Variants in PPEF1 observed in about 807,000 individuals in gnomAD.
PPEF1 encodes the protein serine/threonine-protein phosphatase with EF-hands 1.
A neutral mutation model predicts 53.3 loss-of-function variants in PPEF1; 12 were observed. The observed-to-expected ratio is 0.23, with a 90% CI of 0.14 to 0.36. The LOEUF (loss-of-function observed/expected upper bound fraction) is 0.36. Ranked by LOEUF, PPEF1 falls within the 10% of genes least tolerant of loss-of-function variation. The probability of loss-of-function intolerance (pLI) is 1.00; values close to 1 mark genes in which losing one functional copy is unlikely to be tolerated. For synonymous variants in PPEF1, 165 were observed against 176.7 expected (o/e 0.93, Z 0.52); for missense variants, 334 against 490.4 (o/e 0.68, Z 3.01).
chrX:18,689,245 G>A (rs1016929003), intron 3 of PPEF1, among the ~76,000 whole-genome samples: 5 of 109,886 alleles, frequency 4.6e-5, no homozygotes, highest in Admixed American at 9.6e-5. Context: ...GGTGGCTCAC[G>A]CCTGTAATTC....
intron 1 of PPEF1, among the ~76,000 whole-genome samples, chrX:18,724,423 G>C (rs2044659640): frequency 9.0e-6 from 1 of 111,630 alleles, no homozygotes; most frequent in African/African-American, 3.3e-5. Flanking sequence ...TTAATTTCTT[G>C]CAAGATACCA....
chrX:18,818,045 T>A lies in PPEF1; in HGVS notation c.1401T>A (p.Asp467Glu). ...ATTATTGTTTTCTTTGCAGAGTGGA[T>A]ACTATGGAAAACAGCGCCATCAAGA... ...TCFQPLRQRV[D>E]TMENSAIKIL... The change falls in exon 13 of 16, where the codon GAT (aspartate) becomes GAA (glutamate). Residue 467 changes from aspartate (D) to glutamate (E), a missense_variant. Asp to Glu is a conservative substitution (Grantham distance 45). Coordinates refer to ENST00000470157, the MANE Select transcript of PPEF1 (RefSeq NM_001377996.1). 8.5e-7 allele frequency: 1 copy of A among 1,183,177 alleles called. No homozygotes were observed. The highest frequency in any genetic ancestry group is 1.1e-6 in the Non-Finnish European group (1 of 875,900).
At chrX:18,726,213 G>T (rs1293983883) in intron 1 of PPEF1, among the ~76,000 whole-genome samples, 1 of 110,645 alleles carries the variant, frequency 9.0e-6, no homozygotes, top group East Asian at 2.8e-4. Context: ...AATTAGCTGG[G>T]CGTGGTGGTG....
At chrX:18,821,424 T>G (rs888562619) in intron 13 of PPEF1, among the ~76,000 whole-genome samples, 1 of 110,536 alleles carries the variant, frequency 9.0e-6, no homozygotes, top group Admixed American at 9.7e-5. Context: ...TTGTTTTGTT[T>G]TGAGATGGAG....
intron 13 of PPEF1, among the ~76,000 whole-genome samples, chrX:18,821,768 A>T (rs1454752973): frequency 2.4e-4 from 3 of 12,738 alleles, no homozygotes; most frequent in African/African-American, 1.3e-3. Flanking sequence ...CGAGAGAGAG[A>T]GAGAGAGAGA....
chrX:18,760,017 G>A (rs1167912209), intron 5 of PPEF1, among the ~76,000 whole-genome samples: 20 of 111,648 alleles, frequency 1.8e-4, no homozygotes, highest in African/African-American at 5.5e-4. Flanking sequence ...ACAGAGTCTC[G>A]CTCTGTCACC....
At chrX:18,738,945 T>C (rs1312758181) in intron 3 of PPEF1, among the ~76,000 whole-genome samples, 4 of 112,453 alleles carry the variant, frequency 3.6e-5, no homozygotes, top group East Asian at 2.8e-4. Flanking sequence ...GCATGCGTCA[T>C]GTAATTCTCG....
chrX:18,718,092 G>C (rs1371868182), intron 1 of PPEF1, among the ~76,000 whole-genome samples: 1 of 111,862 alleles, frequency 8.9e-6, no homozygotes, highest in East Asian at 2.8e-4. Context: ...CACATTTAAT[G>C]CCTGTATGAA....
At chrX:18,739,176 G>A (rs747827646) in intron 3 of PPEF1, among the ~76,000 whole-genome samples, 78 of 112,729 alleles carry the variant, frequency 6.9e-4, no homozygotes, top group African/African-American at 2.3e-3. Flanking sequence ...CATTGCTGGC[G>A]AGGAGCTGCG....
chrX:18,730,637 G>T (rs1350718722), intron 2 of PPEF1, among the ~76,000 whole-genome samples: 1 of 111,367 alleles, frequency 9.0e-6, no homozygotes, highest in Non-Finnish European at 1.9e-5. Flanking sequence ...TACTTCAAGG[G>T]GTTAAAAAAT....
rs145945497 is a variant in PPEF1, at chrX:18,729,603, G to A, written c.47-578G>A. 4.2e-3 allele frequency among the ~76,000 whole-genome samples: 468 copies of A among 111,897 alleles called. 3 individuals carry two copies. Among genetic ancestry groups the A allele is most frequent in the African/African-American group, 0.014 (441 of 30,830 alleles). Reference sequence around the variant, plus strand: ...GCTTCCAGTTGTGTTGTGCTACTCCGTGGTGTGCACCCACCAAAGATACAG... The same window carrying A: ...GCTTCCAGTTGTGTTGTGCTACTCCATGGTGTGCACCCACCAAAGATACAG... On this transcript the variant is annotated intron_variant, in intron 1 of 15. Transcript: ENST00000470157.
intron 1 of PPEF1, among the ~76,000 whole-genome samples, chrX:18,715,886 CT>C (rs2044441814): frequency 8.9e-6 from 1 of 112,289 alleles, no homozygotes; most frequent in Non-Finnish European, 1.9e-5. Flanking sequence ...CTGAATTTCA[CT>C]TGACACTTAA....
At chrX:18,821,792 AG>A (rs57000640) in intron 13 of PPEF1, among the ~76,000 whole-genome samples, 253 of 23,436 alleles carry the variant, frequency 0.011, 4 homozygotes, top group African/African-American at 0.032. Flanking sequence ...AGAGAGAGAG[AG>A]AGAGAGAGAG....
At chrX:18,747,314 G>A (rs2045350536) in intron 3 of PPEF1, among the ~76,000 whole-genome samples, 1 of 111,563 alleles carries the variant, frequency 9.0e-6, no homozygotes, top group Non-Finnish European at 1.9e-5. Context: ...TGACTATGAA[G>A]TTGCCAGGCC....
At chrX:18,785,911 C>CT (rs2046188887) in intron 9 of PPEF1, among the ~76,000 whole-genome samples, 2 of 111,647 alleles carry the variant, frequency 1.8e-5, no homozygotes, top group Non-Finnish European at 3.8e-5. Flanking sequence ...TGCAATAAAA[C>CT]TTAAGCCCAC....
intron 3 of PPEF1, among the ~76,000 whole-genome samples, chrX:18,742,558 A>G (rs1384754090): frequency 9.0e-6 from 1 of 111,509 alleles, no homozygotes; most frequent in Non-Finnish European, 1.9e-5. Context: ...GGTATTAGGT[A>G]TTAACTTGGT....
intron 1 of PPEF1, among the ~76,000 whole-genome samples, chrX:18,723,783 ATT>A (rs375565489): frequency 9.8e-6 from 1 of 102,109 alleles, no homozygotes. Flanking sequence ...ATACCATCTG[ATT>A]TTTTTTTTTT....
At chrX:18,791,149 G>A (rs1254401114) in intron 10 of PPEF1, among the ~76,000 whole-genome samples, 1 of 111,852 alleles carries the variant, frequency 8.9e-6, no homozygotes, top group Non-Finnish European at 1.9e-5. Context: ...AGCTTTGTGG[G>A]AAGTTTTAAC....
chrX:18,786,159 T>C (rs2046194071), intron 9 of PPEF1, among the ~76,000 whole-genome samples: 1 of 111,744 alleles, frequency 8.9e-6, no homozygotes, highest in South Asian at 3.8e-4. Flanking sequence ...CCTCTTCCAA[T>C]TGACCAGATT....
Sources: allele counts gnomAD v4.1 joint callset (sites outside exome capture counted in the v4.1 genomes callset), GRCh38; gene constraint gnomAD v4.1.1; transcripts MANE v1.5; gene names NCBI Gene and HGNC (gene_info 2026-07-23, HGNC 2026-07-21).